Variants in MB observed in about 807,000 individuals in gnomAD.
The protein encoded by MB is nitrite reductase MB.
Under a neutral mutation model 14.5 loss-of-function variants are expected in MB, and 10 were observed. The ratio of observed to expected loss-of-function variants is 0.69; its 90% CI spans 0.43 to 1.17. MB has a LOEUF of 1.17. Among genes scored for constraint, MB ranks in the 50% most tolerant of loss-of-function variants. MB has a pLI of 0.00. For synonymous variants in MB, 89 were observed against 78.6 expected (o/e 1.13, Z -0.70); for missense variants, 169 against 192.7 (o/e 0.88, Z 0.73).
chr22:35,616,163 G>A (rs527996251), intron 1 of MB, among the ~76,000 whole-genome samples: 15 of 152,322 alleles, frequency 9.8e-5, no homozygotes, highest in East Asian at 9.7e-4. Context: ...CCTTCCTCCC[G>A]TTGGCAGAAA....
intron 1 of MB, among the ~76,000 whole-genome samples, chr22:35,611,655 TC>T (rs1922639457): frequency 6.6e-6 from 1 of 152,040 alleles, no homozygotes; most frequent in African/African-American, 2.4e-5. Flanking sequence ...TCTCTGAACC[TC>T]CCAGTCCCCT....
upstream of MB, among the ~76,000 whole-genome samples, chr22:35,621,808 C>T (rs1218051784): frequency 6.6e-6 from 1 of 152,182 alleles, no homozygotes; most frequent in African/African-American, 2.4e-5. Flanking sequence ...CTGAACATCC[C>T]AGGACTTCCA....
At chr22:35,612,008 G>A (rs1922670684) in intron 1 of MB, among the ~76,000 whole-genome samples, 1 of 152,174 alleles carries the variant, frequency 6.6e-6, no homozygotes, top group Non-Finnish European at 1.5e-5. Context: ...AGACCACAGA[G>A]ATAAGTGGCC....
Position 35,608,818 on chromosome 22 carries a change from G to T in MB, c.319-1375C>A, listed in dbSNP as rs912548334. On this transcript the variant is annotated intron_variant, in intron 2 of 2. Transcript: ENST00000397326. The surrounding 1 kb of genome is among the most constrained non-coding windows in gnomAD (Gnocchi z 4.3). Reference sequence around the variant, plus strand: ...ACTCATATCTAGAAAACAGTGGAACGGAGCCACTGCATAATTGAGAAATGG... The same window carrying T: ...ACTCATATCTAGAAAACAGTGGAACTGAGCCACTGCATAATTGAGAAATGG... Among the ~76,000 whole-genome samples, 1 of 152,152 alleles carries T rather than the reference G, an allele frequency of 6.6e-6. No homozygotes were observed. Among genetic ancestry groups the T allele is most frequent in the African/African-American group, 2.4e-5 (1 of 41,420 alleles).
At chr22:35,607,679 G>A (rs1922260756) in intron 2 of MB, among the ~76,000 whole-genome samples, 1 of 152,082 alleles carries the variant, frequency 6.6e-6, no homozygotes, top group Admixed American at 6.5e-5. Context: ...TGAGGCGAGG[G>A]GAGGTTGAAT....
chr22:35,611,303 T>C (rs145676828), intron 1 of MB, among the ~76,000 whole-genome samples, 197 bp from the exon 2 acceptor site: 1 of 152,128 alleles, frequency 6.6e-6, no homozygotes, highest in African/African-American at 2.4e-5. Flanking sequence ...TTAAGTGAGA[T>C]AGTGTGTGCT....
rs764179221 is a variant in MB, at chr22:35,607,248, C to G, written c.*49G>C. On this transcript the variant is annotated 3_prime_UTR_variant, in exon 3 of 3. Transcript: ENST00000397326. ...TGGCTACACGAGATCAGACCCCGCT[C>G]TCTCTTGAACCCGGGGCCCAGATGG... 3.7e-5 allele frequency: 58 copies of G among 1,577,034 alleles called. 1 individual carries two copies. The South Asian group carries it at 4.1e-4, about 11-fold the overall frequency.
chr22:35,607,129 A>G lies in MB; in HGVS notation c.*168T>C. On this transcript the variant is annotated 3_prime_UTR_variant, in exon 3 of 3. Coordinates refer to ENST00000397326, the MANE Select transcript of MB (RefSeq NM_005368.3). ...CCCACAGGGAGGCGCATCGCTGGGC[A>G]TGCAAAGCCAACTTCAACACCCCAG... 4.4e-6 allele frequency: 3 copies of G among 685,504 alleles called. No homozygotes were observed. The highest frequency in any genetic ancestry group is 2.7e-5 in the Admixed American group (1 of 37,088). 42.5% of individuals were successfully genotyped at this position (685,504 alleles called of 1,614,324 possible).
chr22:35,620,289 G>A (rs911511667), upstream of MB, among the ~76,000 whole-genome samples: 5 of 152,134 alleles, frequency 3.3e-5, no homozygotes, highest in Non-Finnish European at 5.9e-5. Context: ...AGCCGAGATC[G>A]CTGTACTCCA....
At chr22:35,618,192 T>C (rs546436556), upstream of MB, among the ~76,000 whole-genome samples, 12 of 152,242 alleles carry the variant, frequency 7.9e-5, no homozygotes, top group Middle Eastern at 3.4e-3. Flanking sequence ...TGAGAGAAAG[T>C]AGGGAAACAT....
At chr22:35,612,675 C>T (rs1033976696) in intron 1 of MB, among the ~76,000 whole-genome samples, 1 of 152,134 alleles carries the variant, frequency 6.6e-6, no homozygotes, top group South Asian at 2.1e-4. Flanking sequence ...ACAGAGGCAC[C>T]GAAAGACTAA....
upstream of MB, among the ~76,000 whole-genome samples, chr22:35,619,545 C>T (rs1024134887): frequency 1.3e-5 from 2 of 152,180 alleles, no homozygotes; most frequent in Non-Finnish European, 2.9e-5. Flanking sequence ...ACAGTTCTCC[C>T]GCAAACCTGC....
At position 35,607,430 on chromosome 22, in the gene MB, C is replaced by G; in HGVS notation, c.332G>C (p.Cys111Ser). 6.2e-7 allele frequency: 1 copy of G among 1,613,902 alleles called. No homozygotes were observed. The change falls in exon 3 of 3, where the codon TGC becomes TCC. Residue 111 changes from cysteine (C) to serine (S), a missense_variant. By Grantham distance (112) the Cys-to-Ser change is moderately radical. Coordinates refer to ENST00000397326, the MANE Select transcript of MB (RefSeq NM_005368.3). ...CTTGCTCTGCAGAACCTGGATGATG[C>G]ATTCCGAGATGAACTGCAGGGAGGG... The part of the protein sequence containing the change: ...PVKYLEFISE[C>S]IIQVLQSKHP...
chr22:35,617,555 C>T (rs1357134601), upstream of MB: 5 of 355,118 alleles, frequency 1.4e-5, no homozygotes, highest in African/African-American at 6.4e-5. Context: ...GGTGGTTGTG[C>T]GTGTGGAAAG....
At chr22:35,609,881 G>A (rs1922466328) in intron 2 of MB, among the ~76,000 whole-genome samples, 1 of 152,184 alleles carries the variant, frequency 6.6e-6, no homozygotes, top group Non-Finnish European at 1.5e-5. Context: ...ATTGTTGGAT[G>A]AGATTTCTGG....
chr22:35,616,994 G>A (rs887816876), intron 1 of MB, 169 bp downstream of exon 1: 15 of 594,612 alleles, frequency 2.5e-5, no homozygotes, highest in African/African-American at 3.7e-5. Context: ...TCCCTCTCCT[G>A]AGTCCAATCC....
upstream of MB, chr22:35,617,344 C>T (rs992672723): frequency 3.8e-6 from 4 of 1,044,964 alleles, no homozygotes; most frequent in East Asian, 4.9e-5. Flanking sequence ...CTGCCTGGTC[C>T]CAAGGGCGTT....
At chr22:35,622,308 T>C (rs1257658028), upstream of MB, among the ~76,000 whole-genome samples, 2 of 132,488 alleles carry the variant, frequency 1.5e-5, no homozygotes, top group African/African-American at 5.6e-5. Flanking sequence ...GAGTCTACCC[T>C]CCTGGACCAG....
upstream of MB, chr22:35,617,493 T>A (rs1174159961): frequency 4.9e-5 from 27 of 547,178 alleles, no homozygotes; most frequent in East Asian, 7.9e-4. Context: ...GAAGCTATTT[T>A]AGGGCAGGTG....
Sources: gnomAD v4.1 joint callset for allele counts (sites outside exome capture counted in the v4.1 genomes callset) on GRCh38, gnomAD v4.1.1 for gene constraint, Gnocchi (gnomAD v3.1) non-coding constraint, MANE v1.5 for transcripts, NCBI Gene and HGNC (gene_info 2026-07-23, HGNC 2026-07-21) for gene names.